THEMIS: variants seen among roughly 807,000 people sequenced by gnomAD.
The protein encoded by THEMIS is protein THEMIS.
THEMIS carries 37 observed loss-of-function variants against 52.6 expected under a neutral mutation model. That is an observed-to-expected ratio of 0.70 (90% CI 0.54 to 0.93). The LOEUF (loss-of-function observed/expected upper bound fraction) is 0.93. Ranked by LOEUF, THEMIS falls within the 40% of genes least tolerant of loss-of-function variation. THEMIS has a pLI of 0.00. For synonymous variants in THEMIS, 292 were observed against 272.7 expected (o/e 1.07, Z -0.70); for missense variants, 808 against 763.1 (o/e 1.06, Z -0.69).
intron 2 of THEMIS, among the ~76,000 whole-genome samples, chr6:127,835,204 T>G (rs185412314): frequency 5.9e-5 from 9 of 152,264 alleles, no homozygotes; most frequent in African/African-American, 2.2e-4. Flanking sequence ...ACCACATATT[T>G]GCTGTTCCTA....
At chr6:127,825,335 T>C (rs1056191116) in intron 3 of THEMIS, among the ~76,000 whole-genome samples, 39 of 152,126 alleles carry the variant, frequency 2.6e-4, no homozygotes, top group African/African-American at 8.9e-4. Flanking sequence ...CCACCCCAAG[T>C]CACATTACTG....
chr6:127,715,320 C>A (rs72965745), intron 5 of THEMIS, among the ~76,000 whole-genome samples: 1 of 151,640 alleles, frequency 6.6e-6, no homozygotes, highest in Non-Finnish European at 1.5e-5. Context: ...AAAAATTATA[C>A]GATATTTTAA....
At chr6:127,885,765 C>G (rs966370264) in intron 1 of THEMIS, among the ~76,000 whole-genome samples, 1 of 152,122 alleles carries the variant, frequency 6.6e-6, no homozygotes, top group Non-Finnish European at 1.5e-5. Flanking sequence ...ACAAGAAACA[C>G]TTTTGAGCAT....
At position 127,733,637 on chromosome 6, in the gene THEMIS, A is replaced by G. The variant is rs372183193; in HGVS notation, c.1759-13814T>C. Among the ~76,000 whole-genome samples, 93 of 152,298 alleles carry G rather than the reference A, an allele frequency of 6.1e-4. 2 individuals carry two copies. The South Asian group carries it at 0.017, about 28-fold the overall frequency. ...TTACGAGAAAGAAAGAAACAACCAG[A>G]CTTCAGGTAACTCCTGATGAAAATA... On this transcript the variant is annotated intron_variant, in intron 4 of 5. Transcript: ENST00000368248.
chr6:127,757,798 A>C (rs1775885591), intron 4 of THEMIS, among the ~76,000 whole-genome samples: 1 of 152,024 alleles, frequency 6.6e-6, no homozygotes, highest in African/African-American at 2.4e-5. Flanking sequence ...ATCACATTTT[A>C]TTGGCCAAGT....
At chr6:127,804,924 T>A (rs554906265) in intron 4 of THEMIS, among the ~76,000 whole-genome samples, 100 of 152,280 alleles carry the variant, frequency 6.6e-4, no homozygotes, top group African/African-American at 2.2e-3. Context: ...CAAGTCAGAA[T>A]AATATTGGTA....
intron 4 of THEMIS, among the ~76,000 whole-genome samples, chr6:127,767,542 C>G (rs749085019): frequency 6.6e-6 from 1 of 152,150 alleles, no homozygotes; most frequent in African/African-American, 2.4e-5. Context: ...TCACTGTCTT[C>G]GACCTCCACG....
chr6:127,746,764 A>G (rs1333080746), intron 4 of THEMIS, among the ~76,000 whole-genome samples: 1 of 76,374 alleles, frequency 1.3e-5, no homozygotes, highest in South Asian at 4.0e-4. Flanking sequence ...ATATTATTAT[A>G]TAATTATATT....
intron 1 of THEMIS, among the ~76,000 whole-genome samples, chr6:127,861,796 AAAAAAAAAAGAAAAGAAAG>A (rs1779808740): frequency 1.2e-5 from 1 of 84,604 alleles, no homozygotes; most frequent in African/African-American, 4.3e-5. Context: ...AAAAAAAAAA[AAAAAAAAAAGAAAAGAAAG>A]AAAAGAAAAA....
At chr6:127,908,242 A>AT (rs2114523622) in intron 1 of THEMIS, among the ~76,000 whole-genome samples, 1 of 152,242 alleles carries the variant, frequency 6.6e-6, no homozygotes, top group Non-Finnish European at 1.5e-5. Context: ...GCTTGTCATT[A>AT]TACAAGGCAC....
At chr6:127,730,277 T>TAAAGAAAAGAAAAGAAAAGA (rs200876150) in intron 4 of THEMIS, among the ~76,000 whole-genome samples, 2 of 54,672 alleles carry the variant, frequency 3.7e-5, no homozygotes, top group African/African-American at 5.8e-5. Context: ...CTATAGGAAA[T>TAAAGAAAAGAAAAGAAAAGA]AAAGAAAAGA....
chr6:127,813,516 G>A lies in THEMIS; in HGVS notation c.1125C>T (p.Ser375=). The A allele has an allele frequency of 1.2e-6, 2 of 1,613,532 alleles. No homozygotes were observed. Among genetic ancestry groups the A allele is most frequent in the Non-Finnish European group, 1.7e-6 (2 of 1,179,798 alleles). ...ATACGGATGACAGCTTGTCATGAGG[G>A]GAATGAAACGCTTTGGTGGCCACCA... ...LHVVATKAFH[S]PHDKLSSVSV... The change falls in exon 4 of 6, where the codon TCC becomes TCT. Residue 375 remains serine, a synonymous_variant. Transcript: ENST00000368248.
chr6:127,822,690 AT>A (rs1778381634), intron 3 of THEMIS, among the ~76,000 whole-genome samples: 2 of 152,160 alleles, frequency 1.3e-5, no homozygotes, highest in Non-Finnish European at 2.9e-5. Flanking sequence ...CTAGTTATTT[AT>A]TCAAACACTA....
intron 4 of THEMIS, among the ~76,000 whole-genome samples, chr6:127,732,006 ATT>A (rs60832949): frequency 7.0e-6 from 1 of 142,120 alleles, no homozygotes. Context: ...TTGCCTGGCC[ATT>A]TTTTTTTTTA....
At chr6:127,891,196 T>G (rs1254139948) in intron 1 of THEMIS, among the ~76,000 whole-genome samples, 1 of 152,108 alleles carries the variant, frequency 6.6e-6, no homozygotes, top group Admixed American at 6.6e-5. Flanking sequence ...CATCCTTTAG[T>G]CTTTTCATTT....
intron 2 of THEMIS, among the ~76,000 whole-genome samples, chr6:127,849,919 G>C (rs1779362662): frequency 1.3e-5 from 2 of 152,092 alleles, no homozygotes; most frequent in South Asian, 4.1e-4. Context: ...TTTCCACACA[G>C]CAAAAGAAAT....
At chr6:127,843,728 G>A (rs544051664) in intron 2 of THEMIS, among the ~76,000 whole-genome samples, 1 of 152,028 alleles carries the variant, frequency 6.6e-6, no homozygotes, top group South Asian at 2.1e-4. Flanking sequence ...AAAGGGTATG[G>A]TAGAAGTGAT....
At chr6:127,703,035 G>GTTTTTTTTTTTTTTTTTTTTTTTTTT in the THEMIS span, among the ~76,000 whole-genome samples, 4 of 82,384 alleles carry the variant, frequency 4.9e-5, no homozygotes, top group Non-Finnish European at 8.3e-5. Context: ...TTTAGAATGA[G>GTTTTTTTTTTTTTTTTTTTTTTTTTT]TTTTTTTTTT....
intron 2 of THEMIS, among the ~76,000 whole-genome samples, chr6:127,835,637 C>T (rs1253513102): frequency 6.6e-6 from 1 of 151,968 alleles, no homozygotes; most frequent in Non-Finnish European, 1.5e-5. Context: ...AAATTGGTAC[C>T]TATGTAATTT....
Sources: gnomAD v4.1 joint callset for allele counts (sites outside exome capture counted in the v4.1 genomes callset) on GRCh38, gnomAD v4.1.1 for gene constraint, MANE v1.5 for transcripts, NCBI Gene and HGNC (gene_info 2026-07-23, HGNC 2026-07-21) for gene names.